The following SORCS2 variants were observed in gnomAD, a reference collection of about 807,000 sequenced individuals.
The protein encoded by SORCS2 is VPS10 domain-containing receptor SorCS2.
Under a neutral mutation model 141.6 loss-of-function variants are expected in SORCS2, and 100 were observed. That is an observed-to-expected ratio of 0.71 (90% CI 0.60 to 0.83). SORCS2 has a LOEUF of 0.83. Ranked by LOEUF, SORCS2 falls within the 40% of genes least tolerant of loss-of-function variation. SORCS2 has a pLI of 0.00. For missense variants in SORCS2, 1,646 were observed against 1,560.2 expected, an observed-to-expected ratio of 1.05 and a Z score of -0.93; for synonymous variants, 789 against 676.9, an observed-to-expected ratio of 1.17 and a Z score of -2.57.
Position 7,663,314 on chromosome 4 carries a change from A to ATGAG in SORCS2, c.953-1027_953-1024dup, listed in dbSNP as rs1251588027. Among the ~76,000 whole-genome samples, 1 of 151,782 alleles carries ATGAG rather than the reference A, an allele frequency of 6.6e-6. No individual in the cohort carries two copies. The highest frequency in any genetic ancestry group is 1.5e-5 in the Non-Finnish European group (1 of 67,922). ...AGTGAATGAGTGACTGAGTGAATGA[A>ATGAG]TGAGTGAGTGAGTGATTGAGTGAGT... On this transcript the variant is annotated intron_variant, in intron 6 of 26. Coordinates refer to ENST00000507866, the MANE Select transcript of SORCS2 (RefSeq NM_020777.3). The surrounding 1 kb of genome is among the most constrained non-coding windows in gnomAD (Gnocchi z 4.8).
Position 7,725,220 on chromosome 4 carries a change from C to T in SORCS2, c.2678C>T (p.Thr893Ile). 6.2e-7 allele frequency: 1 copy of T among 1,613,662 alleles called. No individual in the cohort carries two copies. The highest frequency in any genetic ancestry group is 8.5e-7 in the Non-Finnish European group (1 of 1,179,678). ...GGCCTCAACCAGGAGGTGAACCTCA[C>T]AGCTGTGCTGCTTCCCTTGAACCCT... ...VIGLNQEVNLTAVLLPLNPNL... is the reference protein window; with the variant it reads ...VIGLNQEVNLIAVLLPLNPNL... Residue 893 changes from threonine (T) to isoleucine (I), a missense_variant, in exon 20 of 27, where the codon ACA becomes ATA. Transcript: ENST00000507866.
intron 2 of SORCS2, among the ~76,000 whole-genome samples, chr4:7,509,776 G>A (rs1043849259): frequency 7.9e-5 from 12 of 152,308 alleles, no homozygotes; most frequent in Admixed American, 4.6e-4. Flanking sequence ...ACCGCCCACC[G>A]GGGCTGTGTT....
chr4:7,555,562 T>C (rs1289877135), intron 3 of SORCS2, among the ~76,000 whole-genome samples: 4 of 152,246 alleles, frequency 2.6e-5, no homozygotes, highest in African/African-American at 9.6e-5. Flanking sequence ...CGTGCAACTA[T>C]TTAGTGTCAG....
chr4:7,395,514 G>A (rs1403597654), intron 1 of SORCS2, among the ~76,000 whole-genome samples: 2 of 152,176 alleles, frequency 1.3e-5, no homozygotes, highest in Admixed American at 1.3e-4. Flanking sequence ...ATCAGGGCCG[G>A]TGCATCCTTA....
At chr4:7,497,277 T>G (rs12641162) in intron 2 of SORCS2, among the ~76,000 whole-genome samples, 1 of 152,046 alleles carries the variant, frequency 6.6e-6, no homozygotes, top group African/African-American at 2.4e-5. Flanking sequence ...GGGCCTCCCC[T>G]GAGGAGGGCC....
intron 2 of SORCS2, among the ~76,000 whole-genome samples, chr4:7,493,143 A>G (rs1311327227): frequency 3.9e-5 from 6 of 152,186 alleles, no homozygotes; most frequent in African/African-American, 1.2e-4. Flanking sequence ...CAAAGTGCCC[A>G]TCTGTATTGG....
chr4:7,391,201 T>C (rs1245444343), intron 1 of SORCS2, among the ~76,000 whole-genome samples: 1 of 152,222 alleles, frequency 6.6e-6, no homozygotes, highest in Non-Finnish European at 1.5e-5. Context: ...AAGGACAGCA[T>C]TGACCTCCCA....
At chr4:7,321,304 A>G (rs1718879559) in intron 1 of SORCS2, among the ~76,000 whole-genome samples, 1 of 152,170 alleles carries the variant, frequency 6.6e-6, no homozygotes, top group Non-Finnish European at 1.5e-5. Context: ...GTAGTATTCC[A>G]TGGTGTATGT....
intron 1 of SORCS2, among the ~76,000 whole-genome samples, chr4:7,375,480 A>C (rs1448561036): frequency 6.6e-6 from 1 of 152,100 alleles, no homozygotes; most frequent in Non-Finnish European, 1.5e-5. Flanking sequence ...CTGAAGCAAG[A>C]TCTGGTATGG....
chr4:7,371,787 C>G (rs779124367), intron 1 of SORCS2, among the ~76,000 whole-genome samples: 1 of 152,208 alleles, frequency 6.6e-6, no homozygotes, highest in African/African-American at 2.4e-5. Context: ...CGCTGTGGGT[C>G]CCTCAGTAGC....
At chr4:7,368,547 C>G (rs548963938) in intron 1 of SORCS2, among the ~76,000 whole-genome samples, 46 of 152,306 alleles carry the variant, frequency 3.0e-4, no homozygotes, top group African/African-American at 1.1e-3. Flanking sequence ...AGCTGCAGGC[C>G]CAGCCACGCC....
intron 1 of SORCS2, among the ~76,000 whole-genome samples, chr4:7,278,799 A>T (rs1437353208): frequency 1.3e-5 from 2 of 152,218 alleles, no homozygotes; most frequent in Non-Finnish European, 2.9e-5. Context: ...ATCAGTTGGG[A>T]TGCAGGTGCA....
chr4:7,419,648 G>A (rs1725912752), intron 2 of SORCS2, among the ~76,000 whole-genome samples: 1 of 152,210 alleles, frequency 6.6e-6, no homozygotes, highest in South Asian at 2.1e-4. Context: ...CTGGTGTTTT[G>A]AGTCAGCCTT....
intron 1 of SORCS2, among the ~76,000 whole-genome samples, chr4:7,230,090 T>C (rs1711736640): frequency 7.0e-6 from 1 of 143,300 alleles, no homozygotes; most frequent in Non-Finnish European, 1.5e-5. Context: ...TGTGCTCATG[T>C]ATGAAGGAGA....
chr4:7,646,276 G>GGGGCT (rs1448171943), intron 4 of SORCS2, among the ~76,000 whole-genome samples: 1 of 152,266 alleles, frequency 6.6e-6, no homozygotes, highest in African/African-American at 2.4e-5. Context: ...CAGCTGAGCC[G>GGGGCT]GGGCTGGGCT....
chr4:7,706,788 G>C (rs901977888), intron 14 of SORCS2, among the ~76,000 whole-genome samples: 1 of 150,822 alleles, frequency 6.6e-6, no homozygotes, highest in African/African-American at 2.4e-5. Context: ...GCTGGGCTCT[G>C]TCTGGGCAGG....
At position 7,729,697 on chromosome 4, in the gene SORCS2, C is replaced by T. The variant is rs907763419; in HGVS notation, c.3093C>T (p.Ser1031=). 1 of 1,610,872 alleles carries T rather than the reference C, an allele frequency of 6.2e-7. No homozygotes were observed. The highest frequency in any genetic ancestry group is 1.7e-5 in the Admixed American group (1 of 59,692). ...LPPPRPTRKR[S]LSSDKRLAAI... ...CTCCCAGGCCCACAAGGAAGAGGAG[C>T]CTCTCGAGTGATAAGGTATGTCCTG... Residue 1031 remains serine, a synonymous_variant, in exon 23 of 27, where the codon AGC becomes AGT. Transcript: ENST00000507866.
At chr4:7,371,680 T>A (rs1034681897) in intron 1 of SORCS2, among the ~76,000 whole-genome samples, 1 of 152,122 alleles carries the variant, frequency 6.6e-6, no homozygotes, top group Non-Finnish European at 1.5e-5. Context: ...TTTAATTACT[T>A]GTGGATGAAC....
intron 2 of SORCS2, among the ~76,000 whole-genome samples, chr4:7,503,479 T>G (rs1732095211): frequency 6.8e-6 from 1 of 147,786 alleles, no homozygotes; most frequent in Admixed American, 7.0e-5. Context: ...GACGGAGACA[T>G]AGAGGGGCAG....
Sources: allele counts gnomAD v4.1 joint callset (sites outside exome capture counted in the v4.1 genomes callset), GRCh38; gene constraint gnomAD v4.1.1; non-coding constraint Gnocchi (gnomAD v3.1); transcripts MANE v1.5; gene names NCBI Gene and HGNC (gene_info 2026-07-23, HGNC 2026-07-21).